GTF2B: variants seen among roughly 807,000 people sequenced by gnomAD.
GTF2B encodes transcription initiation factor IIB.
In GTF2B, 20 loss-of-function variants were observed where a neutral mutation model predicts 34.6. The observed-to-expected ratio is 0.58, with a 90% CI of 0.41 to 0.84. The LOEUF is 0.84. Among genes scored for constraint, GTF2B ranks in the 40% least tolerant of loss-of-function variants. The pLI is 0.00. For synonymous variants in GTF2B, 142 were observed against 132.4 expected (o/e 1.07, Z -0.50); for missense variants, 237 against 393.3 (o/e 0.60, Z 3.36).
At position 88,860,127 on chromosome 1, in the gene GTF2B, G is replaced by C. The variant is rs778939424; in HGVS notation, c.405+13C>G. 6.2e-7 allele frequency: 1 copy of C among 1,613,868 alleles called. No homozygotes were observed. Among genetic ancestry groups the C allele is most frequent in the Non-Finnish European group, 8.5e-7 (1 of 1,179,830 alleles). Reference sequence around the variant, plus strand: ...ATGCCAGAATGGCTTAAAGGAGGTAGACAAGAACTTACAACTATATTTCGA... The same window carrying C: ...ATGCCAGAATGGCTTAAAGGAGGTACACAAGAACTTACAACTATATTTCGA... On this transcript the variant is annotated intron_variant, in intron 4 of 6. Coordinates refer to ENST00000370500, the MANE Select transcript of GTF2B (RefSeq NM_001514.6).
chr1:88,863,963 G>T lies in GTF2B; in HGVS notation c.258+18C>A, dbSNP rs767454157. On this transcript the variant is annotated intron_variant, in intron 3 of 6. Coordinates refer to ENST00000370500, the MANE Select transcript of GTF2B (RefSeq NM_001514.6). The stretch of plus-strand genomic sequence containing the variant: ...GGTCACTCTGCAATTGGTATTTCCT[G>T]CCAAATGGACTTATTACCTTGCCAA... The T allele has an allele frequency of 1.9e-6, 3 of 1,611,406 alleles. No individual in the cohort carries two copies. The highest frequency in any genetic ancestry group is 2.5e-6 in the Non-Finnish European group (3 of 1,177,688).
intron 2 of GTF2B, among the ~76,000 whole-genome samples, chr1:88,865,487 C>T (rs1424586988): frequency 6.6e-6 from 1 of 151,708 alleles, no homozygotes; most frequent in Non-Finnish European, 1.5e-5. Context: ...TTTGGGAGGC[C>T]GAGGCAGGCG....
chr1:88,874,015 A>G (rs1442917595), intron 2 of GTF2B, among the ~76,000 whole-genome samples: 1 of 152,228 alleles, frequency 6.6e-6, no homozygotes, highest in Admixed American at 6.5e-5. Context: ...AGGAGAAGTG[A>G]GAAAGAATGT....
chr1:88,866,181 G>A (rs1673555961), intron 2 of GTF2B, among the ~76,000 whole-genome samples: 1 of 151,872 alleles, frequency 6.6e-6, no homozygotes. Flanking sequence ...GGGCAACATG[G>A]TGAAACCCTG....
In GTF2B at chr1:88,857,500, AAATT is replaced by A; in HGVS notation, c.536-17_536-14del. Reference sequence around the variant, plus strand: ...ACGGCACATATTTCTAAAAGAAAAAAAATTAAATAAATCAATTCACTTAAGCCAT... The same window carrying A: ...ACGGCACATATTTCTAAAAGAAAAAAAAATAAATCAATTCACTTAAGCCAT... On this transcript the variant is annotated splice_polypyrimidine_tract_variant and intron_variant, in intron 5 of 6. Transcript: ENST00000370500. 1 of 1,392,864 alleles carries A rather than the reference AAATT, an allele frequency of 7.2e-7. No individual in the cohort carries two copies. The allele number at this position is 1,392,864 out of a possible 1,614,324, so 86.3% of individuals were successfully genotyped here.
At chr1:88,875,453 A>G (rs1023406631) in intron 2 of GTF2B, among the ~76,000 whole-genome samples, 16 of 152,318 alleles carry the variant, frequency 1.1e-4, no homozygotes, top group African/African-American at 3.8e-4. Context: ...CTCAAATACA[A>G]GTAGGTCGAT....
At chr1:88,887,740 C>T in intron 1 of GTF2B, 1 of 234,754 alleles carries the variant, frequency 4.3e-6, no homozygotes, top group Non-Finnish European at 8.4e-6. Context: ...TGCTCTTTGC[C>T]ACTTATTTCT....
chr1:88,884,719 T>C (rs886742734), intron 2 of GTF2B, among the ~76,000 whole-genome samples: 1 of 152,246 alleles, frequency 6.6e-6, no homozygotes, highest in Admixed American at 6.5e-5. Flanking sequence ...TTTCCTGAGT[T>C]AGAAATATTC....
At chr1:88,876,826 A>C (rs760042993) in intron 2 of GTF2B, among the ~76,000 whole-genome samples, 11 of 152,236 alleles carry the variant, frequency 7.2e-5, no homozygotes, top group Non-Finnish European at 1.3e-4. Flanking sequence ...AGATGAAACA[A>C]ATTAAGCTTG....
At chr1:88,876,610 G>C (rs1673823093) in intron 2 of GTF2B, among the ~76,000 whole-genome samples, 2 of 152,154 alleles carry the variant, frequency 1.3e-5, no homozygotes, top group African/African-American at 4.8e-5. Context: ...GAGCCTGAGA[G>C]GTCAAGGTTG....
At chr1:88,858,745 G>A (rs1162275982) in intron 5 of GTF2B, 1 of 152,044 alleles carries the variant, frequency 6.6e-6, no homozygotes, top group Non-Finnish European at 1.5e-5. Context: ...AAGTCAGTGA[G>A]CAACACTGAA....
intron 2 of GTF2B, among the ~76,000 whole-genome samples, chr1:88,882,931 G>C (rs1270938412): frequency 8.5e-5 from 13 of 152,154 alleles, no homozygotes; most frequent in Admixed American, 8.5e-4. Flanking sequence ...TTTGAAATAT[G>C]AAAATTTCCT....
chr1:88,854,734 G>C (rs1350701742), intron 6 of GTF2B, among the ~76,000 whole-genome samples: 1 of 152,200 alleles, frequency 6.6e-6, no homozygotes, highest in Non-Finnish European at 1.5e-5. Flanking sequence ...CACCTAAGGT[G>C]ATCCACCTGC....
At position 88,881,030 on chromosome 1, in the gene GTF2B, A is replaced by C. The variant is rs115764790; in HGVS notation, c.124+6231T>G. Among the ~76,000 whole-genome samples the C allele has an allele frequency of 8.9e-3, 1,321 of 147,766 alleles. 14 individuals are homozygous for C. The highest frequency in any genetic ancestry group is 0.031 in the African/African-American group (1,226 of 38,984). ...TCTCAAAAAAAAAAAAAAAAAAAGA[A>C]CTAGTAAGTGAAGGTACAATTGGTC... On this transcript the variant is annotated intron_variant, in intron 2 of 6. Transcript: ENST00000370500.
intron 2 of GTF2B, among the ~76,000 whole-genome samples, chr1:88,868,588 T>C (rs1481135021): frequency 6.6e-6 from 1 of 152,204 alleles, no homozygotes; most frequent in Non-Finnish European, 1.5e-5. Context: ...CTGAAGAGAA[T>C]ACGAATTCCA....
At chr1:88,876,321 C>T (rs1673815606) in intron 2 of GTF2B, among the ~76,000 whole-genome samples, 1 of 152,066 alleles carries the variant, frequency 6.6e-6, no homozygotes, top group African/African-American at 2.4e-5. Context: ...TTGCAACTGA[C>T]ATGCTATGAA....
chr1:88,891,433 G>GGCGCTC (rs1465254058), intron 1 of GTF2B, 50 bp downstream of exon 1: 8 of 1,521,860 alleles, frequency 5.3e-6, no homozygotes, highest in Non-Finnish European at 4.5e-6. Flanking sequence ...AAAAGCCGGC[G>GGCGCTC]GCGCTCGCGC....
chr1:88,891,359 G>A (rs1434843453), intron 1 of GTF2B, 124 bp downstream of exon 1: 2 of 678,012 alleles, frequency 2.9e-6, no homozygotes, highest in South Asian at 2.0e-5. Context: ...CCGTCGGCCA[G>A]TCCCGCCGCT....
At chr1:88,857,146 A>C (rs928315372) in intron 6 of GTF2B, 60 bp downstream of exon 6, 19 of 1,475,680 alleles carry the variant, frequency 1.3e-5, no homozygotes, top group Non-Finnish European at 1.8e-5. Context: ...TTAAAATGGA[A>C]AAACAATCAC....
Sources: gnomAD v4.1 joint callset for allele counts (sites outside exome capture counted in the v4.1 genomes callset) on GRCh38, gnomAD v4.1.1 for gene constraint, MANE v1.5 for transcripts, NCBI Gene and HGNC (gene_info 2026-07-23, HGNC 2026-07-21) for gene names.